Variants in TDRD1 observed in about 807,000 individuals in gnomAD.
The protein encoded by TDRD1 is tudor domain-containing protein 1.
In TDRD1, 37 loss-of-function variants were observed where a neutral mutation model predicts 140.6. The ratio of observed to expected loss-of-function variants is 0.26; its 90% CI spans 0.20 to 0.35. TDRD1 has a LOEUF of 0.35. Ranked by LOEUF, TDRD1 falls within the 10% of genes least tolerant of loss-of-function variation. TDRD1 has a pLI of 1.00. For synonymous variants in TDRD1, 506 were observed against 475.7 expected, an observed-to-expected ratio of 1.06 and a Z score of -0.83; for missense variants, 1,243 against 1,393.0, an observed-to-expected ratio of 0.89 and a Z score of 1.71.
At chr10:114,211,273 A>C (rs2035465347) in intron 13 of TDRD1, among the ~76,000 whole-genome samples, 1 of 152,128 alleles carries the variant, frequency 6.6e-6, no homozygotes, top group South Asian at 2.1e-4. Flanking sequence ...GGTTTAAGCT[A>C]ATAGGGGGAT....
intron 2 of TDRD1, among the ~76,000 whole-genome samples, chr10:114,190,231 AAT>A (rs147795227): frequency 0.023 from 3,466 of 152,282 alleles, 133 homozygotes; most frequent in African/African-American, 0.077. Flanking sequence ...TGTTTTGAAA[AAT>A]ATAGTTTTTA....
intron 18 of TDRD1, 25 bp from the exon 19 acceptor site, chr10:114,220,543 T>G (rs1268363042): frequency 6.3e-7 from 1 of 1,587,242 alleles, no homozygotes; most frequent in African/African-American, 1.3e-5. Flanking sequence ...ATAGGATTCT[T>G]TTTACTGCTG....
At chr10:114,210,555 T>G in intron 11 of TDRD1, 26 bp from the exon 12 acceptor site, 2 of 1,543,152 alleles carry the variant, frequency 1.3e-6, no homozygotes, top group African/African-American at 1.4e-5. Flanking sequence ...ACAAAATGGC[T>G]TATTTTTCTG....
chr10:114,229,421 C>G (rs2036624976), intron 25 of TDRD1, among the ~76,000 whole-genome samples: 1 of 152,110 alleles, frequency 6.6e-6, no homozygotes, highest in Non-Finnish European at 1.5e-5. Context: ...GTAATTAATG[C>G]AAGATCAACT....
intron 17 of TDRD1, among the ~76,000 whole-genome samples, chr10:114,217,987 T>C (rs2035918915): frequency 6.6e-6 from 1 of 152,236 alleles, no homozygotes; most frequent in African/African-American, 2.4e-5. Context: ...TTTGAAAATG[T>C]AATTGAGACA....
At chr10:114,220,051 A>C (rs1233760568) in intron 18 of TDRD1, among the ~76,000 whole-genome samples, 2 of 152,240 alleles carry the variant, frequency 1.3e-5, no homozygotes. Flanking sequence ...GTAGGGCCCC[A>C]CAGTCTGTGT....
chr10:114,227,818 A>AG lies in TDRD1; in HGVS notation c.3404-87dup, dbSNP rs748677066. 207 of 975,942 alleles carry AG rather than the reference A, an allele frequency of 2.1e-4. 1 individual carries two copies. Among genetic ancestry groups the AG allele is most frequent in the Middle Eastern group, 1.6e-3 (5 of 3,170 alleles). 60.5% of individuals were successfully genotyped at this position (975,942 alleles called of 1,614,324 possible). On this transcript the variant is annotated intron_variant, in intron 23 of 25. Coordinates refer to ENST00000251864, the Ensembl canonical transcript of TDRD1. ...TCTTTGTAGTCGGAACCCATGCGCA[A>AG]GGGGGAGAGCTATCTGTATATGTTT...
chr10:114,227,761 A>G, intron 23 of TDRD1, 149 bp from the exon 24 acceptor site: 1 of 634,676 alleles, frequency 1.6e-6, no homozygotes, highest in Non-Finnish European at 2.8e-6. Flanking sequence ...ATGGTAGTAG[A>G]TAATCTCAAA....
At chr10:114,228,291 G>T in intron 25 of TDRD1, 1 of 1,395,728 alleles carries the variant, frequency 7.2e-7, no homozygotes, top group Non-Finnish European at 9.3e-7. Context: ...TGTTTTTGTA[G>T]GTTTATCTGA....
At chr10:114,218,634 A>G in intron 18 of TDRD1, 50 bp downstream of exon 18, 2 of 1,314,926 alleles carry the variant, frequency 1.5e-6, no homozygotes, top group South Asian at 3.0e-5. Context: ...CTTGGGGCAT[A>G]TAATCCAAGT....
At chr10:114,193,289 C>CTTTTTTTTTTTTTTT (rs1170053036) in intron 3 of TDRD1, among the ~76,000 whole-genome samples, 1 of 83,684 alleles carries the variant, frequency 1.2e-5, no homozygotes, top group Non-Finnish European at 2.3e-5. Flanking sequence ...TTGCTGAAGT[C>CTTTTTTTTTTTTTTT]TTTTTTTTTT....
rs751663430 is a variant in TDRD1 at position 114,222,580 on chromosome 10, A to G, written c.2891-7A>G. 3 of 1,582,608 alleles carry G rather than the reference A, an allele frequency of 1.9e-6. No individual in the cohort carries two copies. The highest frequency in any genetic ancestry group is 2.6e-6 in the Non-Finnish European group (3 of 1,155,370). On this transcript the variant is annotated splice_region_variant and splice_polypyrimidine_tract_variant and intron_variant, in intron 20 of 25. Coordinates refer to ENST00000251864, the Ensembl canonical transcript of TDRD1. Reference sequence around the variant, plus strand: ...TCTTCACAAAAGATTGCTTTTATATATTTTAGAAAATCAGGAAAAGCTGTG... The same window carrying G: ...TCTTCACAAAAGATTGCTTTTATATGTTTTAGAAAATCAGGAAAAGCTGTG...
intron 25 of TDRD1, among the ~76,000 whole-genome samples, chr10:114,230,924 A>T (rs2036717558): frequency 6.6e-6 from 1 of 152,082 alleles, no homozygotes; most frequent in African/African-American, 2.4e-5. Context: ...AGAATTAGCC[A>T]GGTGAGGTGG....
intron 25 of TDRD1, among the ~76,000 whole-genome samples, chr10:114,229,793 T>G (rs1368151228): frequency 1.3e-5 from 2 of 150,508 alleles, no homozygotes; most frequent in Non-Finnish European, 3.0e-5. Context: ...TTAGTCCTAG[T>G]ATCAAGTCAC....
intron 18 of TDRD1, among the ~76,000 whole-genome samples, chr10:114,220,253 G>T (rs575238351): frequency 3.9e-5 from 6 of 152,294 alleles, no homozygotes; most frequent in Admixed American, 2.0e-4. Flanking sequence ...CAGCATAATG[G>T]TTAACTCATA....
At chr10:114,182,528 T>G (rs1415259278) in intron 1 of TDRD1, among the ~76,000 whole-genome samples, 1 of 152,222 alleles carries the variant, frequency 6.6e-6, no homozygotes, top group Non-Finnish European at 1.5e-5. Flanking sequence ...TTTTGAGACA[T>G]GAAGTTTTGT....
chr10:114,227,803 C>A, intron 23 of TDRD1, 107 bp from the exon 24 acceptor site: 1 of 828,838 alleles, frequency 1.2e-6, no homozygotes, highest in South Asian at 1.5e-5. Flanking sequence ...TCTTTGTAGT[C>A]GGAACCCATG....
chr10:114,194,789 C>T (rs1227213155), intron 3 of TDRD1, among the ~76,000 whole-genome samples: 1 of 145,564 alleles, frequency 6.9e-6, no homozygotes, highest in African/African-American at 2.5e-5. Context: ...GACAAGGTCT[C>T]CCTCTGTCAT....
upstream of TDRD1, among the ~76,000 whole-genome samples, chr10:114,177,174 C>G (rs968200133): frequency 2.6e-5 from 4 of 152,128 alleles, no homozygotes; most frequent in African/African-American, 7.2e-5. Flanking sequence ...AGAAGAATTT[C>G]AAATAATTTC....
Sources: gnomAD v4.1 joint callset for allele counts (sites outside exome capture counted in the v4.1 genomes callset) on GRCh38, gnomAD v4.1.1 for gene constraint, MANE v1.5 for transcripts, NCBI Gene and HGNC (gene_info 2026-07-23, HGNC 2026-07-21) for gene names.